Variants in MYRIP observed in about 807,000 individuals in gnomAD.
The protein encoded by MYRIP is rab effector MyRIP.
MYRIP carries 49 observed loss-of-function variants against 98.0 expected under a neutral mutation model. The observed-to-expected ratio is 0.50, with a 90% CI of 0.40 to 0.63. The LOEUF (loss-of-function observed/expected upper bound fraction) is 0.63, where lower values mean the gene tolerates loss of function less well. Ranked by LOEUF, MYRIP falls within the 30% of genes least tolerant of loss-of-function variation. MYRIP has a pLI of 0.00. For missense variants in MYRIP, 1,004 were observed against 1,058.2 expected (o/e 0.95, Z 0.71); for synonymous variants, 404 against 409.5 (o/e 0.99, Z 0.16).
chr3:40,148,595 A>G (rs1454914733), intron 3 of MYRIP, among the ~76,000 whole-genome samples: 1 of 152,142 alleles, frequency 6.6e-6, no homozygotes, highest in Non-Finnish European at 1.5e-5. Flanking sequence ...CTTATCTTCT[A>G]CATATATTTC....
intron 3 of MYRIP, among the ~76,000 whole-genome samples, chr3:40,047,592 G>A (rs886840386): frequency 6.6e-6 from 1 of 152,156 alleles, no homozygotes; most frequent in Non-Finnish European, 1.5e-5. Flanking sequence ...TATGTCTTGA[G>A]ATTATTATTG....
chr3:40,028,513 G>T (rs1360695948), intron 2 of MYRIP, among the ~76,000 whole-genome samples: 1 of 152,132 alleles, frequency 6.6e-6, no homozygotes, highest in African/African-American at 2.4e-5. Context: ...GGAAAGACTA[G>T]TATTTGCTTT....
chr3:39,887,394 T>C (rs1461535502), intron 1 of MYRIP, among the ~76,000 whole-genome samples: 1 of 152,084 alleles, frequency 6.6e-6, no homozygotes, highest in Non-Finnish European at 1.5e-5. Context: ...AATTAAGGAA[T>C]CCAGGAGCTG....
At chr3:39,905,495 T>C (rs1255750247) in intron 2 of MYRIP, among the ~76,000 whole-genome samples, 1 of 152,216 alleles carries the variant, frequency 6.6e-6, no homozygotes, top group East Asian at 1.9e-4. Flanking sequence ...ACTTAAATAA[T>C]AGATGGAAAC....
At chr3:39,958,835 G>A (rs28884913) in intron 2 of MYRIP, among the ~76,000 whole-genome samples, 66,998 of 151,364 alleles carry the variant, frequency 0.44, 14,834 homozygotes, top group African/African-American at 0.49. Context: ...ATTTACAAGA[G>A]AAAATCAACC....
intron 2 of MYRIP, among the ~76,000 whole-genome samples, chr3:39,989,205 G>T (rs1946109601): frequency 6.6e-6 from 1 of 152,058 alleles, no homozygotes; most frequent in African/African-American, 2.4e-5. Flanking sequence ...ATTTTGTGGG[G>T]ACTTTTTATT....
chr3:40,243,213 C>A (rs180714468), intron 12 of MYRIP, among the ~76,000 whole-genome samples: 21 of 152,250 alleles, frequency 1.4e-4, no homozygotes, highest in African/African-American at 5.1e-4. Context: ...GCTCCCACAG[C>A]CCAGGTAATT....
intron 1 of MYRIP, among the ~76,000 whole-genome samples, chr3:39,875,965 T>C (rs2125636792): frequency 6.6e-6 from 1 of 152,216 alleles, no homozygotes; most frequent in African/African-American, 2.4e-5. Flanking sequence ...ATTATTATTG[T>C]GTGGGAGTCT....
intron 16 of MYRIP, among the ~76,000 whole-genome samples, chr3:40,252,618 CT>C (rs1424876776): frequency 6.6e-6 from 1 of 152,190 alleles, no homozygotes; most frequent in Non-Finnish European, 1.5e-5. Context: ...ACACAGAGAA[CT>C]TTAGCCAAGT....
At chr3:40,129,440 C>CAAAAAAAAAAAAAAAAAAAA (rs386396419) in intron 3 of MYRIP, among the ~76,000 whole-genome samples, 2 of 29,372 alleles carry the variant, frequency 6.8e-5, no homozygotes, top group Non-Finnish European at 1.2e-4. Context: ...GACTCTGTCT[C>CAAAAAAAAAAAAAAAAAAAA]AAAAAAAAAA....
At chr3:39,942,634 C>T (rs1292874117) in intron 2 of MYRIP, among the ~76,000 whole-genome samples, 3 of 152,044 alleles carry the variant, frequency 2.0e-5, no homozygotes, top group Admixed American at 6.6e-5. Context: ...TCTCCTTAAA[C>T]ATTTATCTTT....
In MYRIP at chr3:40,234,019, GAC is replaced by G; in HGVS notation, c.2067_2068del (p.Arg689SerfsTer3). 1 of 1,608,912 alleles carries G rather than the reference GAC, an allele frequency of 6.2e-7. No individual in the cohort carries two copies. Among genetic ancestry groups the G allele is most frequent in the Non-Finnish European group, 8.5e-7 (1 of 1,178,590 alleles). ...TTTCCTCGTGGGACAGACCAAGTGA[GAC>G]TGGATGAGCAGCTGACTTCCCTGGA... is the stretch of plus-strand genomic sequence containing the variant. On this transcript the variant is annotated frameshift_variant, in exon 12 of 17. Transcript: ENST00000302541. LOFTEE classifies it high-confidence loss of function.
At chr3:40,204,292 C>T (rs184246040) in intron 10 of MYRIP, among the ~76,000 whole-genome samples, 22 of 129,802 alleles carry the variant, frequency 1.7e-4, no homozygotes, top group Admixed American at 8.6e-4. Context: ...TGCAGTGGTA[C>T]GAGCTCAGCT....
At chr3:40,212,756 A>G (rs1353286386) in intron 11 of MYRIP, among the ~76,000 whole-genome samples, 3 of 151,768 alleles carry the variant, frequency 2.0e-5, no homozygotes, top group African/African-American at 7.3e-5. Flanking sequence ...AAAAATATAT[A>G]AGTAAATAAA....
At chr3:39,898,925 T>G (rs1943679767) in intron 1 of MYRIP, among the ~76,000 whole-genome samples, 1 of 152,166 alleles carries the variant, frequency 6.6e-6, no homozygotes, top group Non-Finnish European at 1.5e-5. Flanking sequence ...TATTTAGTTT[T>G]AGGTTTATTT....
At chr3:40,159,956 C>G (rs1412013740) in intron 4 of MYRIP, among the ~76,000 whole-genome samples, 1 of 152,144 alleles carries the variant, frequency 6.6e-6, no homozygotes, top group Non-Finnish European at 1.5e-5. Flanking sequence ...TCCTGTAGTT[C>G]GGAGTAATTT....
At chr3:39,817,123 A>C (rs1940945676) in intron 1 of MYRIP, among the ~76,000 whole-genome samples, 1 of 152,248 alleles carries the variant, frequency 6.6e-6, no homozygotes, top group South Asian at 2.1e-4. Flanking sequence ...TAGAATTGCA[A>C]ATCTTGCAAA....
intron 3 of MYRIP, among the ~76,000 whole-genome samples, chr3:40,116,899 CTAAGA>C (rs1353930021): frequency 6.6e-6 from 1 of 152,184 alleles, no homozygotes; most frequent in Non-Finnish European, 1.5e-5. Context: ...ATGAGTCATT[CTAAGA>C]TATTTTTCAA....
intron 8 of MYRIP, chr3:40,174,656 C>G (rs1389355684): frequency 2.7e-5 from 4 of 150,054 alleles, no homozygotes; most frequent in Admixed American, 2.6e-4. Flanking sequence ...GATGGCAGAA[C>G]AAGTCTATTA....
Sources: allele counts gnomAD v4.1 joint callset (sites outside exome capture counted in the v4.1 genomes callset), GRCh38; gene constraint gnomAD v4.1.1; transcripts MANE v1.5; gene names NCBI Gene and HGNC (gene_info 2026-07-23, HGNC 2026-07-21).